LIN7A: variants seen among roughly 807,000 people sequenced by gnomAD.
LIN7A encodes the protein protein lin-7 homolog A.
A neutral mutation model predicts 29.8 loss-of-function variants in LIN7A; 25 were observed. The ratio of observed to expected loss-of-function variants is 0.84; its 90% CI spans 0.61 to 1.17. LIN7A has a LOEUF of 1.17. Ranked by LOEUF, LIN7A falls within the 50% of genes most tolerant of loss-of-function variation. The pLI, the probability that LIN7A is intolerant of heterozygous loss-of-function variation, is 0.00. For missense variants in LIN7A, 239 were observed against 287.0 expected, an observed-to-expected ratio of 0.83 and a Z score of 1.21; for synonymous variants, 118 against 107.5, an observed-to-expected ratio of 1.10 and a Z score of -0.60.
At chr12:80,823,887 A>G (rs1185257928) in intron 4 of LIN7A, among the ~76,000 whole-genome samples, 1 of 152,240 alleles carries the variant, frequency 6.6e-6, no homozygotes, top group Admixed American at 6.5e-5. Flanking sequence ...AGCTAAGAAG[A>G]AACTTCATAG....
intron 4 of LIN7A, among the ~76,000 whole-genome samples, chr12:80,819,995 A>G (rs759831532): frequency 3.3e-5 from 5 of 152,226 alleles, no homozygotes; most frequent in Non-Finnish European, 5.9e-5. Context: ...GGGGCTTGTT[A>G]GAAGAATGTT....
chr12:80,843,829 C>T (rs1346790557), intron 4 of LIN7A, among the ~76,000 whole-genome samples: 1 of 151,990 alleles, frequency 6.6e-6, no homozygotes, highest in Non-Finnish European at 1.5e-5. Context: ...GTAACTGCCG[C>T]CTCCCAGGTA....
intron 1 of LIN7A, among the ~76,000 whole-genome samples, chr12:80,920,032 A>G (rs937471760): frequency 1.3e-5 from 2 of 152,208 alleles, no homozygotes; most frequent in Admixed American, 1.3e-4. Context: ...GTCAATATAA[A>G]ATACAACTTC....
At position 80,929,552 on chromosome 12, in the gene LIN7A, C is replaced by T. The variant is rs925115938; in HGVS notation, c.82+8089G>A. ...TGCAATCATCCACTTTATGTATTTCCACATTTTCCACAAGGTGTCTGTGAG... is the reference window on the plus strand; with the variant it reads ...TGCAATCATCCACTTTATGTATTTCTACATTTTCCACAAGGTGTCTGTGAG... On this transcript the variant is annotated intron_variant, in intron 1 of 5. Coordinates refer to ENST00000552864, the MANE Select transcript of LIN7A (RefSeq NM_004664.4). Among the ~76,000 whole-genome samples, 5 of 152,070 alleles carry T rather than the reference C, an allele frequency of 3.3e-5. No homozygotes were observed. The South Asian group carries it at 1.0e-3, about 31-fold the overall frequency.
chr12:80,926,989 A>G (rs557407064), intron 1 of LIN7A, among the ~76,000 whole-genome samples: 11 of 151,230 alleles, frequency 7.3e-5, no homozygotes, highest in Non-Finnish European at 1.3e-4. Flanking sequence ...GTGTTTGTCA[A>G]GTTAAGGAAG....
At chr12:80,836,791 C>T (rs1263478098) in intron 4 of LIN7A, among the ~76,000 whole-genome samples, 2 of 152,074 alleles carry the variant, frequency 1.3e-5, no homozygotes, top group Admixed American at 6.6e-5. Flanking sequence ...ATGTTATATT[C>T]TGAAGTATTA....
At chr12:80,859,202 T>C (rs1873748073) in intron 2 of LIN7A, among the ~76,000 whole-genome samples, 2 of 152,098 alleles carry the variant, frequency 1.3e-5, no homozygotes, top group Non-Finnish European at 2.9e-5. Flanking sequence ...AAAACAAGAC[T>C]TATAGTTTGG....
chr12:80,798,440 A>T, intron 5 of LIN7A, among the ~76,000 whole-genome samples: 1 of 152,184 alleles, frequency 6.6e-6, no homozygotes, highest in East Asian at 1.9e-4. Context: ...AACACTCTCC[A>T]GCTGTCATGC....
intron 4 of LIN7A, among the ~76,000 whole-genome samples, chr12:80,816,529 C>T (rs1341185933): frequency 6.6e-6 from 1 of 151,694 alleles, no homozygotes; most frequent in Non-Finnish European, 1.5e-5. Flanking sequence ...ACAATAAACA[C>T]AAGCTAATAA....
intron 1 of LIN7A, among the ~76,000 whole-genome samples, chr12:80,931,517 C>T (rs971002091): frequency 6.6e-6 from 1 of 151,882 alleles, no homozygotes. Context: ...GGTGGTGTTG[C>T]CTGTTGCCTC....
intron 1 of LIN7A, among the ~76,000 whole-genome samples, chr12:80,901,671 T>G (rs1876220934): frequency 6.6e-6 from 1 of 152,138 alleles, no homozygotes; most frequent in Non-Finnish European, 1.5e-5. Context: ...TTTGGAGAGT[T>G]TGTTATAAAG....
intron 5 of LIN7A, among the ~76,000 whole-genome samples, chr12:80,800,818 C>T (rs1455653348): frequency 6.6e-6 from 1 of 151,838 alleles, no homozygotes; most frequent in Non-Finnish European, 1.5e-5. Context: ...CAACTACAGA[C>T]CAATATCTCT....
chr12:80,911,794 G>A (rs1387043091), intron 1 of LIN7A, among the ~76,000 whole-genome samples: 1 of 152,088 alleles, frequency 6.6e-6, no homozygotes, highest in Non-Finnish European at 1.5e-5. Flanking sequence ...TAAGATCCCA[G>A]TACTTAATTC....
intron 1 of LIN7A, among the ~76,000 whole-genome samples, chr12:80,915,445 C>T (rs979472241): frequency 4.6e-5 from 7 of 152,154 alleles, no homozygotes; most frequent in African/African-American, 1.4e-4. Context: ...ACAGTCCAGC[C>T]GTTCTGGAGA....
chr12:80,809,049 G>C (rs537640231), intron 5 of LIN7A, among the ~76,000 whole-genome samples: 1 of 150,404 alleles, frequency 6.6e-6, no homozygotes, highest in East Asian at 2.0e-4. Flanking sequence ...GCAATGGCTC[G>C]ATCTCGGCTT....
At chr12:80,830,666 A>G (rs1449009062) in intron 4 of LIN7A, among the ~76,000 whole-genome samples, 1 of 152,224 alleles carries the variant, frequency 6.6e-6, no homozygotes. Flanking sequence ...TAAAAATTGA[A>G]AATGAAAGTG....
At chr12:80,845,028 G>T (rs887949665) in intron 4 of LIN7A, among the ~76,000 whole-genome samples, 6 of 152,118 alleles carry the variant, frequency 3.9e-5, no homozygotes, top group Admixed American at 3.9e-4. Flanking sequence ...CACGAGATCA[G>T]GAGATTGAGA....
At chr12:80,919,840 C>G (rs1271763583) in intron 1 of LIN7A, among the ~76,000 whole-genome samples, 2 of 152,156 alleles carry the variant, frequency 1.3e-5, no homozygotes, top group African/African-American at 4.8e-5. Context: ...CACACAGAGG[C>G]TTCCTAAGAC....
chr12:80,826,798 C>T (rs1320886181), intron 4 of LIN7A, among the ~76,000 whole-genome samples: 2 of 152,160 alleles, frequency 1.3e-5, no homozygotes, highest in African/African-American at 4.8e-5. Context: ...GCTGGGATTA[C>T]AGGCGTGAGC....
Sources: allele counts gnomAD v4.1 joint callset (sites outside exome capture counted in the v4.1 genomes callset), GRCh38; gene constraint gnomAD v4.1.1; transcripts MANE v1.5; gene names NCBI Gene and HGNC (gene_info 2026-07-23, HGNC 2026-07-21).